Variants in FHIT observed in about 807,000 individuals in gnomAD.
FHIT encodes the protein fragile histidine triad diadenosine triphosphatase.
In FHIT, 19 loss-of-function variants were observed where a neutral mutation model predicts 17.9. That is an observed-to-expected ratio of 1.06 (90% confidence interval 0.74 to 1.56). FHIT has a LOEUF of 1.56. FHIT is among the 40% of genes most tolerant of loss of function. FHIT has a pLI of 0.00. For missense variants in FHIT, 248 were observed against 189.2 expected, an observed-to-expected ratio of 1.31 and a Z score of -1.82; for synonymous variants, 81 against 69.7, an observed-to-expected ratio of 1.16 and a Z score of -0.81.
intron 8 of FHIT, among the ~76,000 whole-genome samples, chr3:59,764,863 AACACACACACAC>A (rs57549363): frequency 0.018 from 2,588 of 145,702 alleles, 44 homozygotes; most frequent in African/African-American, 0.04. Context: ...GGCAACTGCA[AACACACACACAC>A]ACACACACAC....
chr3:60,716,043 G>A (rs573396480), intron 4 of FHIT, among the ~76,000 whole-genome samples: 1 of 152,220 alleles, frequency 6.6e-6, no homozygotes, highest in East Asian at 1.9e-4. Flanking sequence ...CTGAGGTCAG[G>A]AGTTCGAGAC....
intron 8 of FHIT, among the ~76,000 whole-genome samples, chr3:59,876,732 T>G (rs73100608): frequency 0.084 from 12,844 of 152,288 alleles, 575 homozygotes; most frequent in Non-Finnish European, 0.1. Context: ...TGTGTTAGTA[T>G]CAGACACTGC....
intron 2 of FHIT, among the ~76,000 whole-genome samples, chr3:61,074,197 T>C (rs1367892874): frequency 6.6e-6 from 1 of 152,146 alleles, no homozygotes; most frequent in Non-Finnish European, 1.5e-5. Context: ...ACTAACCCAT[T>C]TATCTTATAG....
chr3:60,461,033 G>C (rs979137851), intron 5 of FHIT, among the ~76,000 whole-genome samples: 2 of 152,080 alleles, frequency 1.3e-5, no homozygotes, highest in African/African-American at 4.8e-5. Context: ...CCCTGGCACA[G>C]AACACTTTCT....
chr3:60,292,460 G>A (rs911931180), intron 5 of FHIT, among the ~76,000 whole-genome samples: 2 of 152,056 alleles, frequency 1.3e-5, no homozygotes, highest in Non-Finnish European at 2.9e-5. Context: ...GATGTTAGCT[G>A]CCGTCCATTT....
chr3:60,217,983 T>C (rs1237051951), intron 5 of FHIT, among the ~76,000 whole-genome samples: 1 of 152,188 alleles, frequency 6.6e-6, no homozygotes, highest in East Asian at 1.9e-4. Context: ...TATAAAGCAA[T>C]GCCATTCTCA....
At chr3:60,214,377 T>C (rs907311857) in intron 5 of FHIT, among the ~76,000 whole-genome samples, 3 of 151,940 alleles carry the variant, frequency 2.0e-5, no homozygotes, top group African/African-American at 7.3e-5. Flanking sequence ...GAAAGCTTTT[T>C]AAAAAAAACT....
intron 7 of FHIT, among the ~76,000 whole-genome samples, chr3:59,989,858 G>C (rs1709150362): frequency 6.6e-6 from 1 of 152,044 alleles, no homozygotes; most frequent in Non-Finnish European, 1.5e-5. Flanking sequence ...ATCGGAGATA[G>C]ACAGACAGAT....
At chr3:61,176,104 G>A (rs1041292003) in intron 2 of FHIT, among the ~76,000 whole-genome samples, 6 of 152,212 alleles carry the variant, frequency 3.9e-5, no homozygotes, top group African/African-American at 1.4e-4. Context: ...GAATCGAAAG[G>A]CTGACGTGGG....
intron 4 of FHIT, among the ~76,000 whole-genome samples, chr3:60,684,649 C>A (rs541290671): frequency 4.7e-4 from 72 of 152,142 alleles, no homozygotes; most frequent in African/African-American, 1.6e-3. Flanking sequence ...AGCTGTGCCA[C>A]CCCTTTACAA....
Position 60,518,411 on chromosome 3 carries a change from A to T in FHIT, c.103+18449T>A, listed in dbSNP as rs535783783. Among the ~76,000 whole-genome samples the T allele has an allele frequency of 5.9e-5, 9 of 152,352 alleles. 1 individual carries two copies. In the South Asian group the frequency reaches 1.7e-3, roughly 28 times the overall value. On this transcript the variant is annotated intron_variant, in intron 5 of 9. Transcript: ENST00000492590. ...CTAGCAATTAGATAATAAAATGTAA[A>T]CAGTGAGATATGTAAAATCTATCAA...
intron 5 of FHIT, among the ~76,000 whole-genome samples, chr3:60,222,983 G>A (rs1169398252): frequency 6.6e-6 from 1 of 152,156 alleles, no homozygotes; most frequent in East Asian, 1.9e-4. Context: ...AGTTTGCTAG[G>A]ACTAGTTTTT....
intron 8 of FHIT, among the ~76,000 whole-genome samples, chr3:59,754,942 A>AAAAAT (rs1282213710): frequency 6.7e-6 from 1 of 149,400 alleles, no homozygotes; most frequent in Non-Finnish European, 1.5e-5. Flanking sequence ...GGAAGCTTTA[A>AAAAAT]AAAATAAAAC....
At position 60,181,079 on chromosome 3, in the gene FHIT, A is replaced by C. The variant is rs142332693; in HGVS notation, c.104-166927T>G. Reference sequence around the variant, plus strand: ...CCAACCAGCTATGAGAAGTAACAAAATAAAGTTGCACCAGGAATATTACTA... The same window carrying C: ...CCAACCAGCTATGAGAAGTAACAAACTAAAGTTGCACCAGGAATATTACTA... On this transcript the variant is annotated intron_variant, in intron 5 of 9. Coordinates refer to ENST00000492590, the MANE Select transcript of FHIT (RefSeq NM_002012.4). Among the ~76,000 whole-genome samples the C allele has an allele frequency of 2.9e-3, 436 of 152,248 alleles. 1 individual carries two copies. Among genetic ancestry groups the C allele is most frequent in the African/African-American group, 0.01 (421 of 41,546 alleles).
chr3:60,585,176 A>G (rs557005452), intron 4 of FHIT, among the ~76,000 whole-genome samples: 3 of 152,152 alleles, frequency 2.0e-5, no homozygotes, highest in East Asian at 3.9e-4. Flanking sequence ...TTCATGTGAG[A>G]GTAAGCTGAA....
At chr3:60,139,833 T>C (rs1428752660) in intron 5 of FHIT, among the ~76,000 whole-genome samples, 1 of 122,218 alleles carries the variant, frequency 8.2e-6, no homozygotes, top group South Asian at 2.5e-4. Flanking sequence ...AAAAAAAAAA[T>C]GGTTAACTAT....
At chr3:59,888,587 T>A (rs1016971700) in intron 8 of FHIT, among the ~76,000 whole-genome samples, 2 of 152,226 alleles carry the variant, frequency 1.3e-5, no homozygotes, top group Admixed American at 6.5e-5. Context: ...CCTTCTCTTT[T>A]AAACATTAGC....
At chr3:60,970,021 G>A (rs113755162) in intron 3 of FHIT, among the ~76,000 whole-genome samples, 2,017 of 152,026 alleles carry the variant, frequency 0.013, 46 homozygotes, top group African/African-American at 0.045. Context: ...ATGGGGTTTC[G>A]CCATGTTTTC....
At chr3:60,097,716 A>G (rs1335279611) in intron 5 of FHIT, among the ~76,000 whole-genome samples, 1 of 149,880 alleles carries the variant, frequency 6.7e-6, no homozygotes, top group African/African-American at 2.5e-5. Flanking sequence ...TTTTTTTAAA[A>G]TTTTATTATT....
Sources: gnomAD v4.1 joint callset for allele counts (sites outside exome capture counted in the v4.1 genomes callset) on GRCh38, gnomAD v4.1.1 for gene constraint, MANE v1.5 for transcripts, NCBI Gene and HGNC (gene_info 2026-07-23, HGNC 2026-07-21) for gene names.